The following NCAM1 variants were observed in gnomAD, a reference collection of about 807,000 sequenced individuals.
NCAM1 encodes neural cell adhesion molecule 1.
Under a neutral mutation model 109.8 loss-of-function variants are expected in NCAM1, and 14 were observed. The observed-to-expected ratio is 0.13, with a 90% CI of 0.08 to 0.20. The LOEUF is 0.20. NCAM1 is among the 10% of genes least tolerant of loss of function. NCAM1 has a pLI of 1.00. For missense variants in NCAM1, 774 were observed against 1,109.9 expected (o/e 0.70, Z 4.30); for synonymous variants, 418 against 442.9 (o/e 0.94, Z 0.70).
At position 113,274,092 on chromosome 11, in the gene NCAM1, G is replaced by A. The variant is rs1463380959; in HGVS notation, c.2457-1175G>A. On this transcript the variant is annotated intron_variant, in intron 19 of 19. Coordinates refer to ENST00000316851, the MANE Select transcript of NCAM1 (RefSeq NM_181351.5). The surrounding 1 kb of genome is among the most constrained non-coding windows in gnomAD (Gnocchi z 4.1). ...CAAGGTGCCCTTATCAGCCACCCTG[G>A]GGCCCCCAGTCGGTGTGTTATTCAG... Among the ~76,000 whole-genome samples the A allele has an allele frequency of 6.6e-6, 1 of 152,180 alleles. No individual in the cohort carries two copies. Among genetic ancestry groups the A allele is most frequent in the South Asian group, 2.1e-4 (1 of 4,826 alleles).
chr11:112,973,162 A>C (rs2134566756), intron 1 of NCAM1, among the ~76,000 whole-genome samples: 1 of 152,244 alleles, frequency 6.6e-6, no homozygotes, highest in Admixed American at 6.5e-5. Flanking sequence ...AATCTTTTGA[A>C]GCTTGTTCTG....
rs1555063942 is a variant in NCAM1 at position 112,963,146 on chromosome 11, G to C, written c.52+1482G>C. 2.0e-5 allele frequency: 3 copies of C among 152,572 alleles called. No individual in the cohort carries two copies. The highest frequency in any genetic ancestry group is 7.2e-5 in the African/African-American group (3 of 41,474). 9.5% of individuals were successfully genotyped at this position (152,572 alleles called of 1,614,324 possible). A position where few individuals can be genotyped will look rare whatever the true frequency, so the allele number is the denominator to read the frequency against. Reference sequence around the variant, plus strand: ...GCGAGAGGCTTTTATTGCGGCGCGGGTGGCGGCCAGGAGCTGCCAGGACAG... The same window carrying C: ...GCGAGAGGCTTTTATTGCGGCGCGGCTGGCGGCCAGGAGCTGCCAGGACAG... On this transcript the variant is annotated intron_variant, in intron 1 of 19. Coordinates refer to ENST00000316851, the MANE Select transcript of NCAM1 (RefSeq NM_181351.5). The surrounding 1 kb of genome is among the most constrained non-coding windows in gnomAD (Gnocchi z 4.6).
chr11:113,243,457 G>C (rs577279058), intron 14 of NCAM1: 1 of 421,472 alleles, frequency 2.4e-6, no homozygotes, highest in African/African-American at 2.0e-5. Context: ...CCTAATCCAG[G>C]CTCCCCTTGG....
chr11:113,089,476 T>A (rs1055111186), intron 1 of NCAM1, among the ~76,000 whole-genome samples: 1 of 152,148 alleles, frequency 6.6e-6, no homozygotes, highest in African/African-American at 2.4e-5. Flanking sequence ...GAATTTTCTT[T>A]TCTTTATCGA....
intron 1 of NCAM1, among the ~76,000 whole-genome samples, chr11:113,191,126 C>A (rs75913561): frequency 6.6e-6 from 1 of 152,188 alleles, no homozygotes; most frequent in East Asian, 1.9e-4. Flanking sequence ...TAGCAGCCCC[C>A]GACCCCATCC....
At chr11:113,161,333 TA>T (rs1246564020) in intron 1 of NCAM1, among the ~76,000 whole-genome samples, 3 of 152,258 alleles carry the variant, frequency 2.0e-5, no homozygotes, top group African/African-American at 4.8e-5. Context: ...CATAGTATTT[TA>T]AAATTGGTGC....
intron 1 of NCAM1, among the ~76,000 whole-genome samples, chr11:113,038,418 A>G (rs1441296719): frequency 6.6e-6 from 1 of 152,220 alleles, no homozygotes; most frequent in Non-Finnish European, 1.5e-5. Context: ...TGAGAGCCCC[A>G]TAGCACTTTG....
rs1555125998 is a variant in NCAM1, at chr11:113,273,721, C to T, written c.2457-1546C>T. On this transcript the variant is annotated intron_variant, in intron 19 of 19. Coordinates refer to ENST00000316851, the MANE Select transcript of NCAM1 (RefSeq NM_181351.5). The surrounding 1 kb of genome is among the most constrained non-coding windows in gnomAD (Gnocchi z 6.0). ...CTTGCTCCTTCCACTGCAGACAGCT[C>T]TGTTTCGCCTGCGCCAGCAAAGACC... 3 of 448,486 alleles carry T rather than the reference C, an allele frequency of 6.7e-6. No individual in the cohort carries two copies. Among genetic ancestry groups the T allele is most frequent in the Non-Finnish European group, 1.3e-5 (3 of 222,540 alleles). 27.8% of individuals were successfully genotyped at this position (448,486 alleles called of 1,614,324 possible).
chr11:113,252,892 C>A (rs1396379549), intron 15 of NCAM1, among the ~76,000 whole-genome samples: 1 of 134,882 alleles, frequency 7.4e-6, no homozygotes, highest in Non-Finnish European at 1.5e-5. Flanking sequence ...CACAAGTGAT[C>A]CACCTGCCTC....
chr11:113,163,414 T>A (rs1315578838), intron 1 of NCAM1, among the ~76,000 whole-genome samples: 2 of 152,212 alleles, frequency 1.3e-5, no homozygotes, highest in Non-Finnish European at 2.9e-5. Context: ...GGGAATAGGA[T>A]GTCACAGTTT....
chr11:113,186,855 G>C (rs1467715474), intron 1 of NCAM1, among the ~76,000 whole-genome samples: 1 of 152,258 alleles, frequency 6.6e-6, no homozygotes, highest in Admixed American at 6.5e-5. Flanking sequence ...CAGTGTCCCA[G>C]CTGGTGTTTC....
intron 9 of NCAM1, among the ~76,000 whole-genome samples, chr11:113,226,479 A>G (rs888354666): frequency 8.5e-5 from 13 of 152,218 alleles, no homozygotes; most frequent in African/African-American, 2.9e-4. Flanking sequence ...CACAATAATA[A>G]TGGGAGACTT....
intron 1 of NCAM1, among the ~76,000 whole-genome samples, chr11:113,183,942 A>G (rs1943410850): frequency 6.6e-6 from 1 of 152,230 alleles, no homozygotes; most frequent in Non-Finnish European, 1.5e-5. Flanking sequence ...TATTTTCTAC[A>G]TGTAGGCAAT....
chr11:113,043,889 G>A (rs1953167848), intron 1 of NCAM1, among the ~76,000 whole-genome samples: 1 of 151,344 alleles, frequency 6.6e-6, no homozygotes, highest in Non-Finnish European at 1.5e-5. Context: ...CTCTGCAGGT[G>A]CTCTGCAAGT....
intron 1 of NCAM1, among the ~76,000 whole-genome samples, chr11:113,086,919 C>T (rs1939118108): frequency 6.6e-6 from 1 of 152,174 alleles, no homozygotes; most frequent in Admixed American, 6.5e-5. Context: ...AATAACTTCT[C>T]TTCAGTTTTC....
chr11:112,982,927 A>T (rs950507068), intron 1 of NCAM1, among the ~76,000 whole-genome samples: 16 of 152,042 alleles, frequency 1.1e-4, no homozygotes, highest in African/African-American at 3.4e-4. Flanking sequence ...ATCTGTAGTT[A>T]TTTAAGTAGT....
At chr11:113,093,782 G>A (rs1939471090) in intron 1 of NCAM1, among the ~76,000 whole-genome samples, 1 of 152,196 alleles carries the variant, frequency 6.6e-6, no homozygotes, top group South Asian at 2.1e-4. Flanking sequence ...AGATGGATTG[G>A]AGCAAATAAC....
chr11:113,164,094 A>G (rs1942697622), intron 1 of NCAM1, among the ~76,000 whole-genome samples: 1 of 152,146 alleles, frequency 6.6e-6, no homozygotes, highest in Admixed American at 6.5e-5. Flanking sequence ...CTCTGGGTAC[A>G]TGCTCTGCAG....
intron 1 of NCAM1, among the ~76,000 whole-genome samples, chr11:113,180,011 G>A (rs1305238431): frequency 6.6e-6 from 1 of 152,158 alleles, no homozygotes; most frequent in Non-Finnish European, 1.5e-5. Context: ...CCTAAGATGG[G>A]CACACAGAAC....
Sources: allele counts gnomAD v4.1 joint callset (sites outside exome capture counted in the v4.1 genomes callset), GRCh38; gene constraint gnomAD v4.1.1; non-coding constraint Gnocchi (gnomAD v3.1); transcripts MANE v1.5; gene names NCBI Gene and HGNC (gene_info 2026-07-23, HGNC 2026-07-21).